The following MEIOB variants were observed in gnomAD, a reference collection of about 807,000 sequenced individuals.
MEIOB encodes the protein meiosis-specific with OB domain-containing protein.
In MEIOB, 50 loss-of-function variants were observed where a neutral mutation model predicts 53.1. The observed-to-expected ratio is 0.94, with a 90% CI of 0.75 to 1.19. The LOEUF is 1.19. Ranked by LOEUF, MEIOB falls within the 50% of genes most tolerant of loss-of-function variation. The probability of loss-of-function intolerance (pLI) is 0.00; values close to 1 mark genes in which losing one functional copy is unlikely to be tolerated. For missense variants in MEIOB, 551 were observed against 550.8 expected (o/e 1.00, Z 0.00); for synonymous variants, 192 against 182.5 (o/e 1.05, Z -0.42).
intron 1 of MEIOB, among the ~76,000 whole-genome samples, chr16:1,870,275 CATAAAT>C (rs1899707466): frequency 6.6e-6 from 1 of 152,154 alleles, no homozygotes; most frequent in South Asian, 2.1e-4. Flanking sequence ...AACTGAAAAC[CATAAAT>C]ATCAGATGAA....
In MEIOB at chr16:1,844,676, G is replaced by A. The variant is rs558089724; in HGVS notation, c.880+186C>T. Reference sequence around the variant, plus strand: ...GGCGTTTTGCCATGTTGGCCAGGCTGGTCTCATGAACTCCTGGGCTCAAAA... The same window carrying A: ...GGCGTTTTGCCATGTTGGCCAGGCTAGTCTCATGAACTCCTGGGCTCAAAA... On this transcript the variant is annotated intron_variant, in intron 10 of 13. Transcript: ENST00000325962. Among the ~76,000 whole-genome samples, 5 of 152,240 alleles carry A rather than the reference G, an allele frequency of 3.3e-5. No homozygotes were observed. The South Asian group carries it at 6.2e-4, about 19-fold the overall frequency.
chr16:1,865,208 G>A (rs375643705), intron 3 of MEIOB, among the ~76,000 whole-genome samples: 3 of 152,092 alleles, frequency 2.0e-5, no homozygotes, highest in Non-Finnish European at 4.4e-5. Context: ...GAGGCAGGGA[G>A]ATCACTTGAG....
chr16:1,854,549 T>A (rs1899254412), intron 6 of MEIOB, among the ~76,000 whole-genome samples: 1 of 152,178 alleles, frequency 6.6e-6, no homozygotes, highest in African/African-American at 2.4e-5. Context: ...CACCTTTGTA[T>A]CCCCATGGCT....
chr16:1,838,240 T>G (rs1898801997), intron 12 of MEIOB: 1 of 416,302 alleles, frequency 2.4e-6, no homozygotes, highest in Admixed American at 4.1e-5. Flanking sequence ...CCTCAAGTGA[T>G]CCTCCTGCCT....
chr16:1,871,645 C>T (rs1899754721), intron 1 of MEIOB, among the ~76,000 whole-genome samples: 1 of 148,610 alleles, frequency 6.7e-6, no homozygotes, highest in Non-Finnish European at 1.5e-5. Context: ...CTGGTTCAGC[C>T]TCCACAGTAG....
At chr16:1,852,142 T>G (rs1051153652) in intron 9 of MEIOB, among the ~76,000 whole-genome samples, 5 of 152,126 alleles carry the variant, frequency 3.3e-5, no homozygotes, top group Non-Finnish European at 7.3e-5. Context: ...GTTATTTGAA[T>G]GTAGCAAAAC....
chr16:1,867,576 G>A (rs1449914094), intron 2 of MEIOB, among the ~76,000 whole-genome samples: 1 of 142,526 alleles, frequency 7.0e-6, no homozygotes, highest in Non-Finnish European at 1.5e-5. Context: ...GGCTTCAAGC[G>A]ATTCTCCTGC....
chr16:1,836,874 A>G (rs1898760950), intron 13 of MEIOB, among the ~76,000 whole-genome samples: 1 of 152,242 alleles, frequency 6.6e-6, no homozygotes, highest in African/African-American at 2.4e-5. Flanking sequence ...TTCAGTATTA[A>G]GCTGCAGTAC....
intron 6 of MEIOB, 82 bp from the exon 7 acceptor site, chr16:1,854,282 C>A: frequency 1.2e-6 from 1 of 806,134 alleles, no homozygotes; most frequent in South Asian, 1.7e-5. Context: ...CTCAAATGTT[C>A]ACCTTTTAAA....
intron 1 of MEIOB, among the ~76,000 whole-genome samples, chr16:1,868,569 T>C (rs1005394081): frequency 1.4e-5 from 2 of 143,752 alleles, no homozygotes; most frequent in African/African-American, 5.2e-5. Context: ...AAATAAAATA[T>C]TATTGGCCAG....
intron 3 of MEIOB, among the ~76,000 whole-genome samples, chr16:1,864,476 C>A (rs1899532420): frequency 8.0e-6 from 1 of 124,468 alleles, no homozygotes; most frequent in Non-Finnish European, 1.7e-5. Flanking sequence ...CTGTGAATTT[C>A]TTTTTCTTTT....
At chr16:1,849,038 A>G (rs901778542) in intron 9 of MEIOB, among the ~76,000 whole-genome samples, 1 of 152,118 alleles carries the variant, frequency 6.6e-6, no homozygotes, top group African/African-American at 2.4e-5. Context: ...TAATCCCAGC[A>G]CTTTGGGAGG....
intron 3 of MEIOB, 126 bp downstream of exon 3, chr16:1,865,652 G>C: frequency 1.5e-6 from 1 of 657,630 alleles, no homozygotes; most frequent in Non-Finnish European, 2.6e-6. Flanking sequence ...CCATCCAATA[G>C]AGAGCATGAC....
At chr16:1,845,241 C>A (rs184250700) in intron 9 of MEIOB, among the ~76,000 whole-genome samples, 1 of 152,114 alleles carries the variant, frequency 6.6e-6, no homozygotes, top group Non-Finnish European at 1.5e-5. Flanking sequence ...TATAAGGGAC[C>A]GGGCGCAGTG....
chr16:1,842,003 G>T, intron 10 of MEIOB, 30 bp from the exon 11 acceptor site: 1 of 1,395,096 alleles, frequency 7.2e-7, no homozygotes. Context: ...TTACAGTTCT[G>T]TATATATTCT....
chr16:1,854,832 TAAA>T (rs535655501), intron 6 of MEIOB, among the ~76,000 whole-genome samples: 7 of 138,092 alleles, frequency 5.1e-5, no homozygotes, highest in South Asian at 2.3e-4. Flanking sequence ...TAAAGCAAGT[TAAA>T]AAAAAAAAAA....
At chr16:1,860,755 T>G (rs189203780) in intron 4 of MEIOB, among the ~76,000 whole-genome samples, 1 of 152,320 alleles carries the variant, frequency 6.6e-6, no homozygotes, top group East Asian at 1.9e-4. Flanking sequence ...CTTTCTGCCT[T>G]CATAGTCCAT....
intron 4 of MEIOB, among the ~76,000 whole-genome samples, chr16:1,860,804 T>G (rs368947): frequency 6.6e-6 from 1 of 152,006 alleles, no homozygotes; most frequent in African/African-American, 2.4e-5. Context: ...AGAGATACCA[T>G]ACATTGTCCT....
chr16:1,843,669 G>A (rs1485583221), intron 10 of MEIOB: 2 of 149,182 alleles, frequency 1.3e-5, no homozygotes, highest in African/African-American at 5.0e-5. Context: ...TTGCATCCCA[G>A]CCTGGGTGAC....
Sources: allele counts gnomAD v4.1 joint callset (sites outside exome capture counted in the v4.1 genomes callset), GRCh38; gene constraint gnomAD v4.1.1; transcripts MANE v1.5; gene names NCBI Gene and HGNC (gene_info 2026-07-23, HGNC 2026-07-21).